Variants in CELF4 observed in about 807,000 individuals in gnomAD.
The protein encoded by CELF4 is CUGBP Elav-like family member 4.
In CELF4, 18 loss-of-function variants were observed where a neutral mutation model predicts 59.9. The observed-to-expected ratio is 0.30, with a 90% CI of 0.21 to 0.45. The LOEUF (loss-of-function observed/expected upper bound fraction) is 0.45, where lower values mean the gene tolerates loss of function less well. Ranked by LOEUF, CELF4 falls within the 20% of genes least tolerant of loss-of-function variation. The pLI, the probability that CELF4 is intolerant of heterozygous loss-of-function variation, is 1.00. For synonymous variants in CELF4, 261 were observed against 267.1 expected (o/e 0.98, Z 0.22); for missense variants, 456 against 689.0 (o/e 0.66, Z 3.79).
intron 2 of CELF4, among the ~76,000 whole-genome samples, chr18:37,336,665 C>T (rs1226998778): frequency 1.1e-3 from 3 of 2,784 alleles, no homozygotes; most frequent in African/African-American, 3.9e-3. Context: ...CACGTGCATG[C>T]CAGCAGGGAT....
chr18:37,477,755 C>T (rs932395363), intron 2 of CELF4, among the ~76,000 whole-genome samples: 3 of 152,160 alleles, frequency 2.0e-5, no homozygotes, highest in Admixed American at 6.5e-5. Context: ...TGCAACAGGC[C>T]GTGTCTTACT....
chr18:37,355,396 G>A (rs1000779675), intron 2 of CELF4, among the ~76,000 whole-genome samples: 1 of 152,170 alleles, frequency 6.6e-6, no homozygotes, highest in Non-Finnish European at 1.5e-5. Context: ...GACCTGGCCT[G>A]GTGCAGTGGC....
intron 2 of CELF4, among the ~76,000 whole-genome samples, chr18:37,427,561 C>T (rs976154479): frequency 1.3e-5 from 2 of 152,184 alleles, no homozygotes; most frequent in African/African-American, 4.8e-5. Context: ...CTGTCCCTCT[C>T]TGCAGGCTCC....
At chr18:37,318,226 C>T (rs1314152605) in intron 3 of CELF4, among the ~76,000 whole-genome samples, 1 of 151,992 alleles carries the variant, frequency 6.6e-6, no homozygotes, top group Non-Finnish European at 1.5e-5. Flanking sequence ...CTGCTCCCCT[C>T]GCACCACTGT....
intron 2 of CELF4, among the ~76,000 whole-genome samples, chr18:37,471,781 G>A (rs142667838): frequency 1.3e-5 from 2 of 152,288 alleles, no homozygotes; most frequent in African/African-American, 2.4e-5. Context: ...CACCTAGCGC[G>A]GGGCTATGCT....
At chr18:37,524,819 C>A (rs1472873890) in intron 1 of CELF4, among the ~76,000 whole-genome samples, 3 of 152,096 alleles carry the variant, frequency 2.0e-5, no homozygotes, top group African/African-American at 4.8e-5. Context: ...CGCGCCCCGG[C>A]CGCGGCTCCC....
At chr18:37,423,080 A>ACACACACG (rs1390254255) in intron 2 of CELF4, among the ~76,000 whole-genome samples, 1 of 139,106 alleles carries the variant, frequency 7.2e-6, no homozygotes, top group Non-Finnish European at 1.6e-5. Flanking sequence ...ACACACACAC[A>ACACACACG]CAGAGACAGA....
intron 1 of CELF4, among the ~76,000 whole-genome samples, chr18:37,553,899 C>A (rs1229776549): frequency 6.6e-6 from 1 of 152,146 alleles, no homozygotes; most frequent in African/African-American, 2.4e-5. Flanking sequence ...GTAAGAAGTT[C>A]TTCGTCTCAC....
At chr18:37,375,508 G>C (rs1180281544) in intron 2 of CELF4, among the ~76,000 whole-genome samples, 1 of 152,122 alleles carries the variant, frequency 6.6e-6, no homozygotes, top group African/African-American at 2.4e-5. Context: ...CCTGACCTCC[G>C]ATGCTGATGC....
intron 2 of CELF4, among the ~76,000 whole-genome samples, chr18:37,421,591 C>T (rs1412487010): frequency 1.3e-5 from 2 of 152,252 alleles, no homozygotes; most frequent in African/African-American, 4.8e-5. Context: ...CAGTGACCTG[C>T]TGCCTGCTGC....
At chr18:37,250,796 C>G (rs2065023233) in intron 12 of CELF4, among the ~76,000 whole-genome samples, 1 of 152,158 alleles carries the variant, frequency 6.6e-6, no homozygotes, top group South Asian at 2.1e-4. Flanking sequence ...ATTAGAGCTT[C>G]CAACAGTCTT....
At chr18:37,414,193 TCTATCTATCTA>T (rs1468159139) in intron 2 of CELF4, among the ~76,000 whole-genome samples, 1 of 6,214 alleles carries the variant, frequency 1.6e-4, no homozygotes, top group Non-Finnish European at 4.7e-4. Flanking sequence ...CATTCATTCA[TCTATCTATCTA>T]TCTATCTATC....
intron 2 of CELF4, among the ~76,000 whole-genome samples, chr18:37,438,502 C>T (rs1271250797): frequency 6.6e-6 from 1 of 152,142 alleles, no homozygotes; most frequent in African/African-American, 2.4e-5. Flanking sequence ...GAGGGGCTGG[C>T]ACCCTACCTC....
chr18:37,527,383 C>G (rs2099965110), intron 1 of CELF4, among the ~76,000 whole-genome samples: 2 of 152,018 alleles, frequency 1.3e-5, no homozygotes, highest in Non-Finnish European at 2.9e-5. Context: ...CCCCCAAACC[C>G]TTTGTGCCCT....
intron 2 of CELF4, among the ~76,000 whole-genome samples, chr18:37,330,293 G>A (rs2097492487): frequency 6.6e-6 from 1 of 152,140 alleles, no homozygotes; most frequent in African/African-American, 2.4e-5. Context: ...TGAATTCCAG[G>A]GGCTGTGCTT....
In CELF4 at chr18:37,392,166, T is replaced by TC. The variant is rs1356452769; in HGVS notation, c.370-70286dup. Among the ~76,000 whole-genome samples, 24 of 152,270 alleles carry TC rather than the reference T, an allele frequency of 1.6e-4. 1 individual carries two copies. In the East Asian group the frequency reaches 3.3e-3, roughly 21 times the overall value. On this transcript the variant is annotated intron_variant, in intron 2 of 12. Coordinates refer to ENST00000420428, the MANE Select transcript of CELF4 (RefSeq NM_020180.4). ...GGGGAAGTGGGAGAAAGAAAGGTTT[T>TC]CCCCCAAGAACAAGCTAGTTCTGGG...
intron 1 of CELF4, among the ~76,000 whole-genome samples, chr18:37,526,695 C>T (rs895760474): frequency 2.0e-5 from 3 of 152,204 alleles, no homozygotes; most frequent in African/African-American, 7.2e-5. Context: ...AATGCAAACT[C>T]TGGACGTCCT....
intron 2 of CELF4, among the ~76,000 whole-genome samples, chr18:37,401,594 C>T (rs576626868): frequency 6.6e-6 from 1 of 152,302 alleles, no homozygotes; most frequent in East Asian, 1.9e-4. Context: ...GACACAGAAA[C>T]ATCCAGGAGC....
At chr18:37,428,937 G>C (rs919245538) in intron 2 of CELF4, among the ~76,000 whole-genome samples, 1 of 152,204 alleles carries the variant, frequency 6.6e-6, no homozygotes, top group East Asian at 1.9e-4. Context: ...GACCCTTCGA[G>C]GGCATGGACT....
Sources: allele counts gnomAD v4.1 joint callset (sites outside exome capture counted in the v4.1 genomes callset), GRCh38; gene constraint gnomAD v4.1.1; transcripts MANE v1.5; gene names NCBI Gene and HGNC (gene_info 2026-07-23, HGNC 2026-07-21).